Variants in NTM observed in about 807,000 individuals in gnomAD.
The protein encoded by NTM is neurotrimin.
NTM carries 13 observed loss-of-function variants against 42.1 expected under a neutral mutation model. The ratio of observed to expected loss-of-function variants is 0.31; its 90% CI spans 0.20 to 0.49. NTM has a LOEUF of 0.49. Ranked by LOEUF, NTM falls within the 20% of genes least tolerant of loss-of-function variation. The pLI is 0.99. For synonymous variants in NTM, 187 were observed against 179.2 expected (o/e 1.04, Z -0.35); for missense variants, 373 against 452.8 (o/e 0.82, Z 1.60).
chr11:132,025,081 G>T (rs2074980388), intron 2 of NTM, among the ~76,000 whole-genome samples: 1 of 152,190 alleles, frequency 6.6e-6, no homozygotes, highest in African/African-American at 2.4e-5. Flanking sequence ...GCACCTTGGA[G>T]TCATGGGATT....
intron 4 of NTM, among the ~76,000 whole-genome samples, chr11:132,290,790 G>T (rs1169604665): frequency 6.6e-6 from 1 of 152,074 alleles, no homozygotes; most frequent in Non-Finnish European, 1.5e-5. Context: ...TGGGGATGGG[G>T]GTGCTATCCC....
At chr11:131,620,203 A>G (rs1489755137) in intron 1 of NTM, among the ~76,000 whole-genome samples, 1 of 152,216 alleles carries the variant, frequency 6.6e-6, no homozygotes, top group Non-Finnish European at 1.5e-5. Context: ...CTAAGTTTGA[A>G]ATAAAGTTTT....
intron 8 of NTM, among the ~76,000 whole-genome samples, chr11:132,331,552 A>G (rs1375486705): frequency 6.6e-6 from 1 of 152,352 alleles, no homozygotes; most frequent in East Asian, 1.9e-4. Flanking sequence ...ATATGTCAGC[A>G]TGAGTGGCAA....
In NTM at chr11:131,503,708, TAG is replaced by T. The variant is rs1246448565; in HGVS notation, c.82+132827_82+132828del. Among the ~76,000 whole-genome samples the T allele has an allele frequency of 4.5e-4, 68 of 150,278 alleles. No homozygotes were observed. The East Asian group carries it at 0.012, about 27-fold the overall frequency. On this transcript the variant is annotated intron_variant, in intron 1 of 8. Transcript: ENST00000683400. ...TGGCTAATTGTTTCTCTTTTTTTTG[TAG>T]AGAGAGTCTCACTGTGTTGCTCAGC...
intron 2 of NTM, among the ~76,000 whole-genome samples, chr11:132,055,683 CAGAG>C (rs112247843): frequency 0.64 from 97,117 of 150,574 alleles, 31,906 homozygotes; most frequent in Non-Finnish European, 0.7. Flanking sequence ...GAGAGAGAGA[CAGAG>C]AGAGAGAGAG....
intron 3 of NTM, among the ~76,000 whole-genome samples, chr11:132,178,777 A>C (rs1353080468): frequency 6.6e-6 from 1 of 152,228 alleles, no homozygotes; most frequent in Non-Finnish European, 1.5e-5. Flanking sequence ...AAAAAGAATA[A>C]GAATTTTATT....
At chr11:132,114,824 C>T (rs1437853618) in intron 2 of NTM, among the ~76,000 whole-genome samples, 3 of 152,198 alleles carry the variant, frequency 2.0e-5, no homozygotes, top group South Asian at 4.1e-4. Flanking sequence ...CAAATGCCTA[C>T]ATTTTCTTTA....
At chr11:132,279,621 C>T (rs1234873465) in intron 4 of NTM, among the ~76,000 whole-genome samples, 1 of 152,166 alleles carries the variant, frequency 6.6e-6, no homozygotes, top group Non-Finnish European at 1.5e-5. Flanking sequence ...ATTCCACCTG[C>T]CTGGAATCCT....
chr11:131,699,161 A>T (rs1382462895), intron 1 of NTM, among the ~76,000 whole-genome samples: 1 of 152,232 alleles, frequency 6.6e-6, no homozygotes, highest in Non-Finnish European at 1.5e-5. Context: ...ACAAGGAGGG[A>T]TCTAGAGCAC....
chr11:132,288,031 C>T (rs1355556652), intron 4 of NTM, among the ~76,000 whole-genome samples: 1 of 152,186 alleles, frequency 6.6e-6, no homozygotes, highest in African/African-American at 2.4e-5. Flanking sequence ...TCTTTATATG[C>T]TTTGTGAAAA....
At position 131,865,953 on chromosome 11, in the gene NTM, TACAC is replaced by T. The variant is rs1157875754; in HGVS notation, c.83-45607_83-45604del. On this transcript the variant is annotated intron_variant, in intron 1 of 8. Transcript: ENST00000683400. ...ACCTCCCACACTCACACATGCTACA[TACAC>T]ACATGCTACACATACACCTCCCACA... 4.4e-5 allele frequency among the ~76,000 whole-genome samples: 6 copies of T among 137,552 alleles called. 1 individual carries two copies. Among genetic ancestry groups the T allele is most frequent in the Admixed American group, 7.3e-5 (1 of 13,746 alleles). The allele number at this position is 137,552 out of a possible 152,430, so 90.2% of individuals were successfully genotyped here.
intron 1 of NTM, among the ~76,000 whole-genome samples, chr11:131,761,275 G>A (rs1163659021): frequency 6.6e-6 from 1 of 152,028 alleles, no homozygotes; most frequent in Non-Finnish European, 1.5e-5. Flanking sequence ...TTACAGGTGC[G>A]GTAACTGAAA....
At chr11:131,557,210 T>C (rs889246919) in intron 1 of NTM, among the ~76,000 whole-genome samples, 5 of 152,214 alleles carry the variant, frequency 3.3e-5, no homozygotes, top group African/African-American at 1.2e-4. Context: ...ACTAGGTTGC[T>C]ATGTATGTCT....
intron 2 of NTM, among the ~76,000 whole-genome samples, chr11:132,080,405 G>A (rs1433873131): frequency 6.6e-6 from 1 of 152,146 alleles, no homozygotes; most frequent in East Asian, 1.9e-4. Flanking sequence ...ATGCCAAAAA[G>A]ATCATCACTG....
intron 7 of NTM, among the ~76,000 whole-genome samples, chr11:132,318,865 T>A (rs1281829849): frequency 6.6e-6 from 1 of 151,374 alleles, no homozygotes; most frequent in Non-Finnish European, 1.5e-5. Flanking sequence ...GAGGGGGAGA[T>A]GAAAAGAAAT....
At position 131,543,972 on chromosome 11, in the gene NTM, G is replaced by C. The variant is rs138032419; in HGVS notation, c.82+173084G>C. On this transcript the variant is annotated intron_variant, in intron 1 of 8. Transcript: ENST00000683400. ...AAACACACCAGGCAGGTGGCCTCTCGTCTCTTCCCAGGAAAGAGGCTAGGT... is the reference window on the plus strand; with the variant it reads ...AAACACACCAGGCAGGTGGCCTCTCCTCTCTTCCCAGGAAAGAGGCTAGGT... Among the ~76,000 whole-genome samples the C allele has an allele frequency of 3.3e-5, 5 of 152,274 alleles. No homozygotes were observed. In the East Asian group the frequency reaches 9.7e-4, roughly 29 times the overall value.
chr11:131,420,456 C>T (rs1018336686), intron 1 of NTM, among the ~76,000 whole-genome samples: 6 of 152,160 alleles, frequency 3.9e-5, no homozygotes, highest in African/African-American at 7.2e-5. Context: ...ATTTCAGAAC[C>T]GTAAGGTCAT....
intron 1 of NTM, among the ~76,000 whole-genome samples, chr11:131,567,863 C>T (rs970833468): frequency 9.2e-5 from 14 of 152,122 alleles, no homozygotes; most frequent in Non-Finnish European, 1.8e-4. Flanking sequence ...ACCTGGGTTC[C>T]CAGGGACCCA....
At chr11:132,130,321 A>G (rs1020637836) in intron 2 of NTM, among the ~76,000 whole-genome samples, 1 of 152,154 alleles carries the variant, frequency 6.6e-6, no homozygotes, top group African/African-American at 2.4e-5. Flanking sequence ...AGAAAGTCAT[A>G]AGATCAAGAG....
Sources: gnomAD v4.1 joint callset for allele counts (sites outside exome capture counted in the v4.1 genomes callset) on GRCh38, gnomAD v4.1.1 for gene constraint, MANE v1.5 for transcripts, NCBI Gene and HGNC (gene_info 2026-07-23, HGNC 2026-07-21) for gene names.